The following RASGRP3 variants were observed in gnomAD, a reference collection of about 807,000 sequenced individuals.
RASGRP3 encodes the protein RAS guanyl releasing protein 3.
RASGRP3 carries 54 observed loss-of-function variants against 82.7 expected under a neutral mutation model. The observed-to-expected ratio is 0.65, with a 90% CI of 0.52 to 0.82. The LOEUF (loss-of-function observed/expected upper bound fraction) is 0.82, where lower values mean the gene tolerates loss of function less well. RASGRP3 is among the 40% of genes least tolerant of loss of function. The probability of loss-of-function intolerance (pLI) is 0.00; values close to 1 mark genes in which losing one functional copy is unlikely to be tolerated. For synonymous variants in RASGRP3, 309 were observed against 300.5 expected, an observed-to-expected ratio of 1.03 and a Z score of -0.29; for missense variants, 861 against 828.9, an observed-to-expected ratio of 1.04 and a Z score of -0.48.
intron 14 of RASGRP3, among the ~76,000 whole-genome samples, chr2:33,553,204 C>T (rs910295016): frequency 6.6e-6 from 1 of 152,162 alleles, no homozygotes; most frequent in Non-Finnish European, 1.5e-5. Context: ...CCTTTGCTCA[C>T]ACAACAGTAT....
intron 1 of RASGRP3, chr2:33,482,185 T>G (rs1667997097): frequency 6.6e-6 from 1 of 152,172 alleles, no homozygotes; most frequent in Non-Finnish European, 1.5e-5. Context: ...GGCTAATTTT[T>G]TTGTATTTTT....
chr2:33,532,149 G>A (rs1021845346), intron 10 of RASGRP3: 2 of 152,162 alleles, frequency 1.3e-5, no homozygotes, highest in Non-Finnish European at 2.9e-5. Flanking sequence ...AACTGCCCAC[G>A]GCTGATGTAT....
intron 11 of RASGRP3, among the ~76,000 whole-genome samples, chr2:33,538,426 T>C (rs989340770): frequency 6.6e-6 from 1 of 151,452 alleles, no homozygotes; most frequent in Non-Finnish European, 1.5e-5. Flanking sequence ...TCGCTTGAAC[T>C]TGGGAGGCAG....
intron 11 of RASGRP3, among the ~76,000 whole-genome samples, chr2:33,537,031 C>G (rs1673683041): frequency 6.6e-6 from 1 of 152,016 alleles, no homozygotes; most frequent in South Asian, 2.1e-4. Context: ...GAGTCCTTGT[C>G]TGGCATCTAA....
intron 4 of RASGRP3, among the ~76,000 whole-genome samples, chr2:33,518,324 A>G (rs932237666): frequency 6.6e-6 from 1 of 152,194 alleles, no homozygotes; most frequent in African/African-American, 2.4e-5. Flanking sequence ...CTAAACATAG[A>G]AAAGGTGCAG....
intron 11 of RASGRP3, among the ~76,000 whole-genome samples, chr2:33,538,324 G>A (rs1216652628): frequency 5.3e-5 from 8 of 151,954 alleles, no homozygotes; most frequent in African/African-American, 1.7e-4. Context: ...CCAACATGGT[G>A]GAAACCCGTC....
intron 2 of RASGRP3, among the ~76,000 whole-genome samples, chr2:33,459,601 T>C (rs1018561981): frequency 2.4e-4 from 37 of 152,246 alleles, no homozygotes; most frequent in African/African-American, 8.0e-4. Context: ...TAGTGTGAAC[T>C]GAGCTCAACT....
chr2:33,470,057 C>T (rs138256779), intron 2 of RASGRP3, among the ~76,000 whole-genome samples: 1 of 152,014 alleles, frequency 6.6e-6, no homozygotes. Flanking sequence ...CCTAATATCT[C>T]CCTTGTGGTT....
Position 33,464,597 on chromosome 2 carries a change from C to A in RASGRP3, c.-261+16654C>A, listed in dbSNP as rs187200629. Among the ~76,000 whole-genome samples the A allele has an allele frequency of 7.6e-3, 1,152 of 152,090 alleles. 6 individuals carry two copies. Among genetic ancestry groups the A allele is most frequent in the Non-Finnish European group, 0.012 (831 of 68,000 alleles). On this transcript the variant is annotated intron_variant, in intron 2 of 18. Coordinates refer to the RASGRP3 transcript ENST00000402538. ...AAGTGGTCCTCCCACCTTAGCTACC[C>A]GAATAGCTGGGATTACAGGCACATG...
chr2:33,445,180 C>G (rs1665435981), intron 1 of RASGRP3, among the ~76,000 whole-genome samples: 2 of 152,166 alleles, frequency 1.3e-5, no homozygotes, highest in African/African-American at 4.8e-5. Context: ...AAGATAGCTT[C>G]TGTGTGCTAA....
chr2:33,563,411 C>CAA lies in RASGRP3; in HGVS notation c.*675_*676dup, dbSNP rs1343851854. The CAA allele has an allele frequency of 6.6e-6, 1 of 152,116 alleles. No homozygotes were observed. The highest frequency in any genetic ancestry group is 1.9e-4 in the East Asian group (1 of 5,192). The allele number at this position is 152,116 out of a possible 1,614,324, so 9.4% of individuals were successfully genotyped here. A position where few individuals can be genotyped will look rare whatever the true frequency, so the allele number is the denominator to read the frequency against. ...ACAAGTCACACATGTATATATCACA[C>CAA]AAGTCTTACCAATTCTGCGTCACTA... On this transcript the variant is annotated 3_prime_UTR_variant, in exon 18 of 18. Transcript: ENST00000403687.
intron 14 of RASGRP3, 163 bp from the exon 15 acceptor site, chr2:33,555,368 C>T (rs1405362776): frequency 1.6e-5 from 8 of 515,982 alleles, no homozygotes; most frequent in African/African-American, 7.9e-5. Context: ...TGGAAGGGGC[C>T]GGGAGAGGGT....
chr2:33,545,184 T>G (rs1381322504), intron 13 of RASGRP3, among the ~76,000 whole-genome samples: 1 of 152,256 alleles, frequency 6.6e-6, no homozygotes, highest in Non-Finnish European at 1.5e-5. Flanking sequence ...CTCTATATCA[T>G]CCTTATCTCT....
chr2:33,455,928 C>G (rs1666011886), intron 2 of RASGRP3, among the ~76,000 whole-genome samples: 1 of 152,142 alleles, frequency 6.6e-6, no homozygotes, highest in Non-Finnish European at 1.5e-5. Flanking sequence ...AGTGATACAT[C>G]ATTTTCAATA....
At chr2:33,553,219 G>A (rs1282775115) in intron 14 of RASGRP3, among the ~76,000 whole-genome samples, 2 of 152,124 alleles carry the variant, frequency 1.3e-5, no homozygotes, top group African/African-American at 4.8e-5. Flanking sequence ...CAGTATGCAG[G>A]GGCAATGGCT....
In RASGRP3 at chr2:33,546,240, G is replaced by C. The variant is rs559365719; in HGVS notation, c.1394+2613G>C. 5.3e-5 allele frequency among the ~76,000 whole-genome samples: 8 copies of C among 151,894 alleles called. No individual in the cohort carries two copies. In the East Asian group the frequency reaches 1.6e-3, roughly 30 times the overall value. ...AGATCAAGACCATCCTGGCTAACAC[G>C]GTGAAACTCTGTCTCTACTAAAAAT... On this transcript the variant is annotated intron_variant, in intron 13 of 17. Transcript: ENST00000403687.
At chr2:33,463,204 T>G (rs1330340704) in intron 2 of RASGRP3, among the ~76,000 whole-genome samples, 4 of 152,240 alleles carry the variant, frequency 2.6e-5, no homozygotes, top group African/African-American at 9.6e-5. Flanking sequence ...GCATGAACGC[T>G]AAATTTTCCT....
At chr2:33,447,117 A>T (rs1665542630) in intron 1 of RASGRP3, among the ~76,000 whole-genome samples, 1 of 152,018 alleles carries the variant, frequency 6.6e-6, no homozygotes, top group Non-Finnish European at 1.5e-5. Context: ...AAAAAAAAAA[A>T]AAAAAAAGAG....
intron 2 of RASGRP3, among the ~76,000 whole-genome samples, chr2:33,468,043 T>C (rs1666824250): frequency 7.1e-6 from 1 of 140,548 alleles, no homozygotes; most frequent in African/African-American, 2.8e-5. Flanking sequence ...TTTCTTTCTT[T>C]CTCTCTTAGT....
Sources: gnomAD v4.1 joint callset for allele counts (sites outside exome capture counted in the v4.1 genomes callset) on GRCh38, gnomAD v4.1.1 for gene constraint, MANE v1.5 for transcripts, NCBI Gene and HGNC (gene_info 2026-07-23, HGNC 2026-07-21) for gene names.